CD27: variants seen among roughly 807,000 people sequenced by gnomAD.
CD27 encodes the protein CD27 antigen.
In CD27, 16 loss-of-function variants were observed where a neutral mutation model predicts 25.9. The observed-to-expected ratio is 0.62, with a 90% CI of 0.42 to 0.94. CD27 has a LOEUF of 0.94. Among genes scored for constraint, CD27 ranks in the 40% least tolerant of loss-of-function variants. CD27 has a pLI of 0.00. For synonymous variants in CD27, 142 were observed against 124.3 expected (o/e 1.14, Z -0.95); for missense variants, 300 against 333.2 (o/e 0.90, Z 0.78).
chr12:6,448,509 T>C (rs1949454806), intron 2 of CD27: 1 of 152,314 alleles, frequency 6.6e-6, no homozygotes, highest in Non-Finnish European at 1.5e-5. Flanking sequence ...CTCACGCCTG[T>C]AATCCCAGCA....
upstream of CD27, among the ~76,000 whole-genome samples, chr12:6,444,662 GGT>G (rs1491561861): frequency 2.1e-4 from 19 of 89,876 alleles, no homozygotes; most frequent in African/African-American, 6.2e-4. Context: ...CGGGGGGGTG[GGT>G]GGGGGGGGGT....
At chr12:6,449,049 G>A (rs539404802) in intron 2 of CD27, among the ~76,000 whole-genome samples, 37 of 152,036 alleles carry the variant, frequency 2.4e-4, no homozygotes, top group Non-Finnish European at 4.9e-4. Context: ...AGGCTGGAGC[G>A]CAGTATCATG....
chr12:6,451,640 T>G lies in CD27; in HGVS notation c.*248T>G, dbSNP rs1949550982. The G allele has an allele frequency of 2.1e-6, 1 of 466,000 alleles. No individual in the cohort carries two copies. The highest frequency in any genetic ancestry group is 3.8e-6 in the Non-Finnish European group (1 of 262,040). The allele number at this position is 466,000 out of a possible 1,614,324, so 28.9% of individuals were successfully genotyped here. A position where few individuals can be genotyped will look rare whatever the true frequency, so the allele number is the denominator to read the frequency against. ...CGCTGCAGGAGGGCGGGGGCTCTGG[T>G]TGTAAAACACACTTCCTGCTGCGAA... is the stretch of plus-strand genomic sequence containing the variant. On this transcript the variant is annotated 3_prime_UTR_variant, in exon 6 of 6. Transcript: ENST00000266557.
At chr12:6,447,960 C>T (rs139518811) in intron 2 of CD27, 1 of 152,468 alleles carries the variant, frequency 6.6e-6, no homozygotes, top group African/African-American at 2.4e-5. Flanking sequence ...TCCTCTCTAC[C>T]ACCAGTGCTC....
In CD27 at chr12:6,450,648, T is replaced by A; in HGVS notation, c.538+18T>A. On this transcript the variant is annotated intron_variant, in intron 4 of 5. Coordinates refer to ENST00000266557, the MANE Select transcript of CD27 (RefSeq NM_001242.5). This position sits in a 1 kb window ranked among gnomAD's most constrained non-coding sequence, Gnocchi z 4.1. ...CTGGCCACGTGAGTTTTCTCCTTAA[T>A]CCCCACCGCTAGAGAGAATGCATAC... The A allele has an allele frequency of 6.2e-7, 1 of 1,603,784 alleles. No homozygotes were observed. Among genetic ancestry groups the A allele is most frequent in the Non-Finnish European group, 8.5e-7 (1 of 1,174,382 alleles).
chr12:6,445,063 T>C lies in CD27; in HGVS notation c.-33T>C. 6.3e-7 allele frequency: 1 copy of C among 1,581,842 alleles called. No homozygotes were observed. The highest frequency in any genetic ancestry group is 8.6e-7 in the Non-Finnish European group (1 of 1,167,594). On this transcript the variant is annotated 5_prime_UTR_variant, in exon 1 of 6. Transcript: ENST00000266557. This position sits in a 1 kb window ranked among gnomAD's most constrained non-coding sequence, Gnocchi z 4.5. ...AACTCCAGAGGCCAGCATCAGCAAC[T>C]GGGCACAGAAAGGAGCCGCCTGGGC... is the stretch of plus-strand genomic sequence containing the variant.
chr12:6,446,384 C>T (rs1179037903), intron 2 of CD27, among the ~76,000 whole-genome samples: 1 of 152,186 alleles, frequency 6.6e-6, no homozygotes, highest in Non-Finnish European at 1.5e-5. Flanking sequence ...TCCCCACAGC[C>T]TTGAACTCCT....
At position 6,451,306 on chromosome 12, in the gene CD27, C is replaced by CGTT. The variant is rs1263914186; in HGVS notation, c.697_698insGTT (p.His233delinsArgTyr). 6.2e-7 allele frequency: 1 copy of CGTT among 1,613,984 alleles called. No homozygotes were observed. The highest frequency in any genetic ancestry group is 8.5e-7 in the Non-Finnish European group (1 of 1,179,928). ...TCCTGTGGAGCCTGCAGAGCCTTGTCATTACAGCTGCCCCAGGGAGGAGGA... is the reference window on the plus strand; with the variant it reads ...TCCTGTGGAGCCTGCAGAGCCTTGTCGTTATTACAGCTGCCCCAGGGAGGAGGA... On this transcript the variant is annotated protein_altering_variant, in exon 6 of 6. Coordinates refer to ENST00000266557, the MANE Select transcript of CD27 (RefSeq NM_001242.5).
chr12:6,449,442 T>G (rs2136966630), intron 2 of CD27, among the ~76,000 whole-genome samples: 1 of 152,162 alleles, frequency 6.6e-6, no homozygotes, highest in Admixed American at 6.5e-5. Flanking sequence ...CCGGCTATTT[T>G]ATATTTGTTG....
In CD27 at chr12:6,445,105, C is replaced by T; in HGVS notation, c.10C>T (p.Pro4Ser). 6.2e-7 allele frequency: 1 copy of T among 1,605,200 alleles called. No homozygotes were observed. The highest frequency in any genetic ancestry group is 1.7e-5 in the Admixed American group (1 of 57,980). ...CGCCTGGGCAGGGACCATGGCACGG[C>T]CACATCCCTGGTGGCTGTGCGTTCT... Reference protein sequence around the residue: MARPHPWWLCVLGT... With the variant: MARSHPWWLCVLGT... The change falls in exon 1 of 6, where the codon CCA becomes TCA. Residue 4 changes from proline to serine, a missense_variant. Physicochemically the swap from Pro to Ser is moderately conservative, Grantham distance 74 (BLOSUM62 -1). Transcript: ENST00000266557. This position sits in a 1 kb window ranked among gnomAD's most constrained non-coding sequence, Gnocchi z 4.5.
At chr12:6,449,431 C>T (rs931966765) in intron 2 of CD27, among the ~76,000 whole-genome samples, 1 of 151,598 alleles carries the variant, frequency 6.6e-6, no homozygotes, top group African/African-American at 2.4e-5. Context: ...CCCTGCCTCA[C>T]CCGGCTATTT....
chr12:6,447,169 A>G (rs1243172728), intron 2 of CD27: 2 of 152,186 alleles, frequency 1.3e-5, no homozygotes, highest in African/African-American at 4.8e-5. Context: ...CACAAGAAAT[A>G]TTCTTCAGTC....
In CD27 at chr12:6,450,706, C is replaced by T. The variant is rs931094491; in HGVS notation, c.538+76C>T. The stretch of plus-strand genomic sequence containing the variant: ...GCCAGGAGGGAAGCCAGACAGAAAG[C>T]TCCTAGGATTAGGGATAAGAGGAGG... On this transcript the variant is annotated intron_variant, in intron 4 of 5. Coordinates refer to ENST00000266557, the MANE Select transcript of CD27 (RefSeq NM_001242.5). This position sits in a 1 kb window ranked among gnomAD's most constrained non-coding sequence, Gnocchi z 4.1. The T allele has an allele frequency of 2.0e-6, 3 of 1,472,220 alleles. No homozygotes were observed. Among genetic ancestry groups the T allele is most frequent in the Non-Finnish European group, 2.8e-6 (3 of 1,063,312 alleles). The allele number at this position is 1,472,220 out of a possible 1,614,324, so 91.2% of individuals were successfully genotyped here.
At position 6,450,448 on chromosome 12, in the gene CD27, T is replaced by G; in HGVS notation, c.449-93T>G. On this transcript the variant is annotated intron_variant, in intron 3 of 5. Transcript: ENST00000266557. The surrounding 1 kb of genome is among the most constrained non-coding windows in gnomAD (Gnocchi z 4.1). ...CTACCCCTAGATAAGGTCAGCCTGT[T>G]TCTGCCTTCCCATCCCATCCAGCAC... 1 of 1,540,178 alleles carries G rather than the reference T, an allele frequency of 6.5e-7. No homozygotes were observed. The highest frequency in any genetic ancestry group is 1.2e-5 in the South Asian group (1 of 86,952).
Position 6,451,592 on chromosome 12 carries a change from A to C in CD27, c.*200A>C, listed in dbSNP as rs1949549625. 1.8e-6 allele frequency: 1 copy of C among 559,816 alleles called. No homozygotes were observed. Among genetic ancestry groups the C allele is most frequent in the South Asian group, 3.0e-5 (1 of 33,160 alleles). The allele number at this position is 559,816 out of a possible 1,614,324, so 34.7% of individuals were successfully genotyped here. ...ATGGATGAGGTGGAGAGTGGGAAGC[A>C]GGAGCCCAGCCAGCTGCGCCTGCGC... On this transcript the variant is annotated 3_prime_UTR_variant, in exon 6 of 6. Transcript: ENST00000266557.
upstream of CD27, chr12:6,444,724 T>A (rs1346978960): frequency 5.6e-6 from 1 of 177,726 alleles, no homozygotes; most frequent in Non-Finnish European, 1.2e-5. Context: ...GGTGAGCAAC[T>A]GTGTGTCCAT....
Position 6,445,597 on chromosome 12 carries a change from C to A in CD27, c.268+42C>A. The A allele has an allele frequency of 2.5e-6, 4 of 1,603,086 alleles. No homozygotes were observed. The highest frequency in any genetic ancestry group is 3.4e-6 in the Non-Finnish European group (4 of 1,175,848). ...TGTGTAGGTGGGGACGATGGACAAG[C>A]ATCTGGGGGAGCAAGGCTGGTGACG... On this transcript the variant is annotated intron_variant, in intron 2 of 5. Transcript: ENST00000266557. This position sits in a 1 kb window ranked among gnomAD's most constrained non-coding sequence, Gnocchi z 4.5.
In CD27 at chr12:6,445,269, A is replaced by T; in HGVS notation, c.136+38A>T. 7 of 1,612,612 alleles carry T rather than the reference A, an allele frequency of 4.3e-6. No homozygotes were observed. Among genetic ancestry groups the T allele is most frequent in the Non-Finnish European group, 5.9e-6 (7 of 1,179,498 alleles). ...CTTGGTAAGGGCCAGGTGAGTGGCG[A>T]AAGAGAGAGGACTGGGGTTAATACA... On this transcript the variant is annotated intron_variant, in intron 1 of 5. Coordinates refer to ENST00000266557, the MANE Select transcript of CD27 (RefSeq NM_001242.5). The surrounding 1 kb of genome is among the most constrained non-coding windows in gnomAD (Gnocchi z 4.5).
At position 6,450,444 on chromosome 12, in the gene CD27, C is replaced by T; in HGVS notation, c.448+92C>T. 6.5e-7 allele frequency: 1 copy of T among 1,533,818 alleles called. No homozygotes were observed. Among genetic ancestry groups the T allele is most frequent in the Admixed American group, 1.7e-5 (1 of 58,756 alleles). ...ACTCCTACCCCTAGATAAGGTCAGCCTGTTTCTGCCTTCCCATCCCATCCA... is the reference window on the plus strand; with the variant it reads ...ACTCCTACCCCTAGATAAGGTCAGCTTGTTTCTGCCTTCCCATCCCATCCA... On this transcript the variant is annotated intron_variant, in intron 3 of 5. Transcript: ENST00000266557. This position sits in a 1 kb window ranked among gnomAD's most constrained non-coding sequence, Gnocchi z 4.1.
Sources: gnomAD v4.1 joint callset for allele counts (sites outside exome capture counted in the v4.1 genomes callset) on GRCh38, gnomAD v4.1.1 for gene constraint, Gnocchi (gnomAD v3.1) non-coding constraint, MANE v1.5 for transcripts, NCBI Gene and HGNC (gene_info 2026-07-23, HGNC 2026-07-21) for gene names.